Variants in PHF20 observed in about 807,000 individuals in gnomAD.
PHF20 encodes the protein PHD finger protein 20.
PHF20 carries 23 observed loss-of-function variants against 113.5 expected under a neutral mutation model. The ratio of observed to expected loss-of-function variants is 0.20; its 90% CI spans 0.15 to 0.29. The LOEUF (loss-of-function observed/expected upper bound fraction) is 0.29. Among genes scored for constraint, PHF20 ranks in the 10% least tolerant of loss-of-function variants. The pLI, the probability that PHF20 is intolerant of heterozygous loss-of-function variation, is 1.00. For synonymous variants in PHF20, 434 were observed against 457.3 expected, an observed-to-expected ratio of 0.95 and a Z score of 0.65; for missense variants, 943 against 1,219.6, an observed-to-expected ratio of 0.77 and a Z score of 3.38.
intron 16 of PHF20, among the ~76,000 whole-genome samples, chr20:35,939,785 A>G (rs1444049656): frequency 2.0e-5 from 3 of 152,116 alleles, no homozygotes; most frequent in Non-Finnish European, 4.4e-5. Flanking sequence ...CATCATCCTT[A>G]CTTCCCAGAC....
intron 4 of PHF20, among the ~76,000 whole-genome samples, chr20:35,850,146 C>T (rs569227011): frequency 1.3e-4 from 19 of 151,980 alleles, no homozygotes; most frequent in Non-Finnish European, 2.5e-4. Flanking sequence ...ACGAAGGCAG[C>T]GGCAGTTGGT....
chr20:35,808,792 T>C (rs530138829), intron 2 of PHF20, among the ~76,000 whole-genome samples: 51 of 151,724 alleles, frequency 3.4e-4, no homozygotes, highest in African/African-American at 1.2e-3. Flanking sequence ...CAGGATGGTC[T>C]CGATCTCCTG....
Position 35,947,546 on chromosome 20 carries a change from T to A in PHF20, c.2958T>A (p.Leu986=). 6.2e-7 allele frequency: 1 copy of A among 1,614,092 alleles called. No homozygotes were observed. Among genetic ancestry groups the A allele is most frequent in the Non-Finnish European group, 8.5e-7 (1 of 1,179,986 alleles). Residue 986 remains leucine (L), a synonymous_variant, in exon 18 of 18, where the codon CTT becomes CTA. Coordinates refer to ENST00000374012, the MANE Select transcript of PHF20 (RefSeq NM_016436.5). ...ELEPPEPLAR[L]PQLKHCIKQL... Reference sequence around the variant, plus strand: ...AGCCCCCTGAGCCGCTGGCCAGGCTTCCGCAGCTCAAGCATTGTATCAAGC... The same window carrying A: ...AGCCCCCTGAGCCGCTGGCCAGGCTACCGCAGCTCAAGCATTGTATCAAGC...
chr20:35,835,841 A>G (rs1314900699), intron 2 of PHF20, among the ~76,000 whole-genome samples: 1 of 152,036 alleles, frequency 6.6e-6, no homozygotes, highest in African/African-American at 2.4e-5. Flanking sequence ...GAGGTGGGAG[A>G]ATCACTTGAA....
At chr20:35,885,879 C>T (rs764288204) in intron 9 of PHF20, among the ~76,000 whole-genome samples, 1 of 152,062 alleles carries the variant, frequency 6.6e-6, no homozygotes, top group African/African-American at 2.4e-5. Context: ...ATTTTAGCAT[C>T]TACTGGTATT....
chr20:35,876,883 G>T (rs1044638348), intron 9 of PHF20, among the ~76,000 whole-genome samples: 2 of 151,656 alleles, frequency 1.3e-5, no homozygotes, highest in Admixed American at 1.3e-4. Flanking sequence ...GAGGCAGGCG[G>T]ATCACAAGGT....
intron 9 of PHF20, among the ~76,000 whole-genome samples, chr20:35,886,855 C>T (rs1484904632): frequency 6.6e-6 from 1 of 152,160 alleles, no homozygotes; most frequent in Non-Finnish European, 1.5e-5. Context: ...GGGCACAGGC[C>T]AAGCAGGGGT....
chr20:35,930,975 A>C (rs1420723096), intron 14 of PHF20, among the ~76,000 whole-genome samples: 1 of 152,114 alleles, frequency 6.6e-6, no homozygotes, highest in Non-Finnish European at 1.5e-5. Flanking sequence ...ATATTATGAT[A>C]TAAATTTGGA....
chr20:35,879,758 G>A (rs1323352653), intron 9 of PHF20, among the ~76,000 whole-genome samples: 1 of 144,072 alleles, frequency 6.9e-6, no homozygotes, highest in South Asian at 2.2e-4. Flanking sequence ...ACCAGCCTGG[G>A]CAACATGGTG....
chr20:35,799,291 CAAAAA>C (rs35210007), intron 1 of PHF20, among the ~76,000 whole-genome samples: 1 of 21,006 alleles, frequency 4.8e-5, no homozygotes, highest in East Asian at 2.8e-3. Flanking sequence ...ACTCTCTCTG[CAAAAA>C]AAAAAAAAAA....
chr20:35,832,774 A>T (rs1394264746), intron 2 of PHF20, among the ~76,000 whole-genome samples: 1 of 152,132 alleles, frequency 6.6e-6, no homozygotes, highest in East Asian at 1.9e-4. Context: ...TTCTGGCCAG[A>T]TGTGGTGGCT....
chr20:35,919,758 A>G (rs2055476512), intron 13 of PHF20, among the ~76,000 whole-genome samples: 1 of 152,206 alleles, frequency 6.6e-6, no homozygotes, highest in African/African-American at 2.4e-5. Flanking sequence ...AGAGATGAGT[A>G]GATGTATTTG....
At chr20:35,826,796 G>A (rs1490444625) in intron 2 of PHF20, among the ~76,000 whole-genome samples, 2 of 152,154 alleles carry the variant, frequency 1.3e-5, no homozygotes, top group African/African-American at 4.8e-5. Flanking sequence ...ACTGATAGAA[G>A]GGGTTTAGGG....
chr20:35,885,453 G>A (rs894977333), intron 9 of PHF20, among the ~76,000 whole-genome samples: 4 of 136,388 alleles, frequency 2.9e-5, no homozygotes, highest in Non-Finnish European at 6.2e-5. Flanking sequence ...TGGAGTGGGG[G>A]ACAGGGGAAT....
intron 2 of PHF20, among the ~76,000 whole-genome samples, chr20:35,806,080 G>T (rs553960063): frequency 6.6e-6 from 1 of 151,458 alleles, no homozygotes; most frequent in Admixed American, 6.6e-5. Context: ...GGCCAGGATG[G>T]TCTGGAACTC....
At chr20:35,776,353 A>G (rs1362492327) in intron 1 of PHF20, among the ~76,000 whole-genome samples, 1 of 152,050 alleles carries the variant, frequency 6.6e-6, no homozygotes, top group East Asian at 1.9e-4. Flanking sequence ...ATGTTCCCCG[A>G]CCTCGAATGG....
chr20:35,785,676 A>G (rs2041394311), intron 1 of PHF20, among the ~76,000 whole-genome samples: 1 of 152,096 alleles, frequency 6.6e-6, no homozygotes. Context: ...AAAACTCCAT[A>G]GGCATGAAAA....
At chr20:35,919,296 C>T (rs1165142780) in intron 13 of PHF20, among the ~76,000 whole-genome samples, 2 of 150,256 alleles carry the variant, frequency 1.3e-5, no homozygotes, top group South Asian at 4.2e-4. Flanking sequence ...GGATTACAGG[C>T]GTGAGCCACC....
intron 2 of PHF20, among the ~76,000 whole-genome samples, chr20:35,805,750 G>C (rs1479752913): frequency 1.3e-5 from 2 of 151,992 alleles, no homozygotes; most frequent in East Asian, 3.9e-4. Context: ...AAAATGCTGG[G>C]GTTACAGGCA....
Sources: allele counts gnomAD v4.1 joint callset (sites outside exome capture counted in the v4.1 genomes callset), GRCh38; gene constraint gnomAD v4.1.1; transcripts MANE v1.5; gene names NCBI Gene and HGNC (gene_info 2026-07-23, HGNC 2026-07-21).